The following GPC5 variants were observed in gnomAD, a reference collection of about 807,000 sequenced individuals.
GPC5 encodes glypican-5.
Under a neutral mutation model 53.9 loss-of-function variants are expected in GPC5, and 47 were observed. The observed-to-expected ratio is 0.87, with a 90% CI of 0.69 to 1.11. The LOEUF (loss-of-function observed/expected upper bound fraction) is 1.11. Ranked by LOEUF, GPC5 falls within the 50% of genes most tolerant of loss-of-function variation. GPC5 has a pLI of 0.00. For synonymous variants in GPC5, 286 were observed against 263.3 expected, an observed-to-expected ratio of 1.09 and a Z score of -0.84; for missense variants, 748 against 713.1, an observed-to-expected ratio of 1.05 and a Z score of -0.56.
At position 92,003,448 on chromosome 13, in the gene GPC5, G is replaced by A. The variant is rs561208068; in HGVS notation, c.1401+95391G>A. Reference sequence around the variant, plus strand: ...AACATCAGAAATTTACCATCCAATCGAGATTTTTTTTTTCAGTGAAAGGAT... The same window carrying A: ...AACATCAGAAATTTACCATCCAATCAAGATTTTTTTTTTCAGTGAAAGGAT... On this transcript the variant is annotated intron_variant, in intron 6 of 7. Transcript: ENST00000377067. Among the ~76,000 whole-genome samples, 52 of 4,944 alleles carry A rather than the reference G, an allele frequency of 0.011. 1 individual carries two copies. In the Admixed American group the frequency reaches 0.11, roughly 11 times the overall value. The allele number at this position is 4,944 out of a possible 152,430, so 3.2% of individuals were successfully genotyped here. A position where few individuals can be genotyped will look rare whatever the true frequency, so the allele number is the denominator to read the frequency against.
chr13:92,531,168 C>A (rs1881551206), intron 7 of GPC5, among the ~76,000 whole-genome samples: 2 of 152,020 alleles, frequency 1.3e-5, no homozygotes, highest in Non-Finnish European at 2.9e-5. Flanking sequence ...TATTCTTTTT[C>A]TACTCTGACA....
intron 7 of GPC5, among the ~76,000 whole-genome samples, chr13:92,313,884 A>G (rs2043161515): frequency 1.3e-5 from 2 of 152,272 alleles, no homozygotes; most frequent in South Asian, 2.1e-4. Context: ...TTCACACAAG[A>G]GTGAAGAAAA....
At chr13:92,531,737 A>G (rs1881572054) in intron 7 of GPC5, among the ~76,000 whole-genome samples, 2 of 152,148 alleles carry the variant, frequency 1.3e-5, no homozygotes, top group African/African-American at 4.8e-5. Context: ...TTCTATGCGT[A>G]CTGATCTCCA....
At chr13:92,480,809 C>A (rs890787950) in intron 7 of GPC5, among the ~76,000 whole-genome samples, 3 of 152,162 alleles carry the variant, frequency 2.0e-5, no homozygotes, top group Admixed American at 6.5e-5. Context: ...AGGGATTAAC[C>A]TGTCTTACCT....
intron 2 of GPC5, among the ~76,000 whole-genome samples, chr13:91,480,837 A>T (rs144264523): frequency 6.6e-6 from 1 of 152,136 alleles, no homozygotes; most frequent in African/African-American, 2.4e-5. Context: ...GGACAGGACC[A>T]GTTACTGTAA....
intron 6 of GPC5, among the ~76,000 whole-genome samples, chr13:91,917,717 T>A (rs1461014100): frequency 6.6e-6 from 1 of 152,236 alleles, no homozygotes; most frequent in Non-Finnish European, 1.5e-5. Flanking sequence ...TGATAAAGCA[T>A]AGAAAGAATC....
chr13:92,063,747 T>G (rs942171647), intron 6 of GPC5, among the ~76,000 whole-genome samples: 1 of 152,128 alleles, frequency 6.6e-6, no homozygotes, highest in Non-Finnish European at 1.5e-5. Flanking sequence ...CTTAATGATA[T>G]GACATGAAGG....
chr13:91,484,489 A>C (rs139785566), intron 2 of GPC5, among the ~76,000 whole-genome samples: 94 of 152,262 alleles, frequency 6.2e-4, no homozygotes, highest in African/African-American at 2.2e-3. Flanking sequence ...TTGACATCTA[A>C]ATTCTGAGAA....
intron 7 of GPC5, among the ~76,000 whole-genome samples, chr13:92,667,150 T>C (rs2139198455): frequency 6.6e-6 from 1 of 152,270 alleles, no homozygotes; most frequent in Admixed American, 6.5e-5. Context: ...TTTAGAACTG[T>C]CTGGGTTTCG....
chr13:92,186,975 G>T (rs1239406672), intron 7 of GPC5, among the ~76,000 whole-genome samples: 2 of 152,102 alleles, frequency 1.3e-5, no homozygotes, highest in Non-Finnish European at 2.9e-5. Context: ...AGCCGGGCGT[G>T]TTAGTGCACA....
intron 7 of GPC5, among the ~76,000 whole-genome samples, chr13:92,742,403 A>G (rs1420587748): frequency 6.6e-6 from 1 of 152,084 alleles, no homozygotes; most frequent in Non-Finnish European, 1.5e-5. Context: ...GTGTCTATTC[A>G]TATCCTTTGC....
intron 7 of GPC5, among the ~76,000 whole-genome samples, chr13:92,734,699 G>A (rs1888892329): frequency 6.6e-6 from 1 of 151,804 alleles, no homozygotes. Context: ...ATTAGAAAAT[G>A]TAGTGTACTT....
At chr13:91,587,385 A>G (rs1006183208) in intron 2 of GPC5, among the ~76,000 whole-genome samples, 15 of 152,176 alleles carry the variant, frequency 9.9e-5, no homozygotes, top group Admixed American at 7.9e-4. Flanking sequence ...TCAAGTCTAT[A>G]TTTATGCATA....
chr13:91,889,014 A>G (rs2039356444), intron 5 of GPC5, among the ~76,000 whole-genome samples: 1 of 152,210 alleles, frequency 6.6e-6, no homozygotes, highest in African/African-American at 2.4e-5. Context: ...CTAGACTGGC[A>G]ATTTGTAATT....
chr13:91,835,791 G>C (rs1053106577), intron 5 of GPC5, among the ~76,000 whole-genome samples: 9 of 151,924 alleles, frequency 5.9e-5, no homozygotes, highest in African/African-American at 1.7e-4. Context: ...GTAGATGAAG[G>C]GTTGATGGGT....
chr13:91,913,543 A>G (rs1327339481), intron 6 of GPC5, among the ~76,000 whole-genome samples: 2 of 152,044 alleles, frequency 1.3e-5, no homozygotes, highest in Non-Finnish European at 2.9e-5. Flanking sequence ...CACCCCCTCA[A>G]AAAAAAGCTG....
chr13:92,408,731 A>G lies in GPC5; in HGVS notation c.1561+263742A>G, dbSNP rs558215749. The stretch of plus-strand genomic sequence containing the variant: ...TATGTTCAGTGTGATACCAATCAAC[A>G]GCCAAAGTTTTTTTATGAAATATGA... On this transcript the variant is annotated intron_variant, in intron 7 of 7. Coordinates refer to ENST00000377067, the MANE Select transcript of GPC5 (RefSeq NM_004466.6). Among the ~76,000 whole-genome samples the G allele has an allele frequency of 2.0e-5, 3 of 152,210 alleles. No homozygotes were observed. The South Asian group carries it at 6.2e-4, about 32-fold the overall frequency.
intron 7 of GPC5, among the ~76,000 whole-genome samples, chr13:92,470,715 T>C (rs1018629362): frequency 1.3e-5 from 2 of 152,172 alleles, no homozygotes; most frequent in African/African-American, 4.8e-5. Flanking sequence ...TTTTTTACTG[T>C]ATGTCTGAAA....
intron 6 of GPC5, among the ~76,000 whole-genome samples, chr13:91,924,620 A>G (rs961239555): frequency 1.3e-5 from 2 of 151,896 alleles, no homozygotes; most frequent in African/African-American, 4.8e-5. Context: ...GGGCACCTGT[A>G]GTCCTAGCTA....
Sources: gnomAD v4.1 joint callset for allele counts (sites outside exome capture counted in the v4.1 genomes callset) on GRCh38, gnomAD v4.1.1 for gene constraint, MANE v1.5 for transcripts, NCBI Gene and HGNC (gene_info 2026-07-23, HGNC 2026-07-21) for gene names.